The following DYSF variants were observed in gnomAD, a reference collection of about 807,000 sequenced individuals.
DYSF encodes dystrophy-associated fer-1-like 1.
In DYSF, 212 loss-of-function variants were observed where a neutral mutation model predicts 274.9. The observed-to-expected ratio is 0.77, with a 90% CI of 0.69 to 0.86. The LOEUF (loss-of-function observed/expected upper bound fraction) is 0.86, where lower values mean the gene tolerates loss of function less well. DYSF is among the 40% of genes least tolerant of loss of function. DYSF has a pLI of 0.00. For synonymous variants in DYSF, 1,091 were observed against 1,078.7 expected, an observed-to-expected ratio of 1.01 and a Z score of -0.22; for missense variants, 2,666 against 2,783.2, an observed-to-expected ratio of 0.96 and a Z score of 0.95.
chr2:71,656,421 G>A (rs1389730335), intron 43 of DYSF, 131 bp downstream of exon 43: 7 of 1,321,604 alleles, frequency 5.3e-6, no homozygotes, highest in Non-Finnish European at 7.5e-6. Context: ...GGGTAATGGA[G>A]GTGGTGATGG....
At chr2:71,548,562 C>T (rs1031449616) in intron 17 of DYSF, among the ~76,000 whole-genome samples, 7 of 117,052 alleles carry the variant, frequency 6.0e-5, no homozygotes, top group Non-Finnish European at 9.0e-5. Context: ...GTTTCCTTGG[C>T]GCATCGCATA....
rs72902666 is a variant in DYSF at position 71,607,272 on chromosome 2, A to C, written c.3958-3973A>C. Among the ~76,000 whole-genome samples the C allele has an allele frequency of 9.8e-3, 1,492 of 152,316 alleles. 24 individuals are homozygous for C. The highest frequency in any genetic ancestry group is 0.034 in the African/African-American group (1,427 of 41,572). On this transcript the variant is annotated intron_variant, in intron 36 of 55. Transcript: ENST00000410020. Reference sequence around the variant, plus strand: ...CACTGAGCTCCAAGCCTCAAAGCTAAAAGAGCATGGTGCCTCCTGCAACCT... The same window carrying C: ...CACTGAGCTCCAAGCCTCAAAGCTACAAGAGCATGGTGCCTCCTGCAACCT...
At chr2:71,559,056 C>T (rs1383641695) in intron 22 of DYSF, among the ~76,000 whole-genome samples, 2 of 152,188 alleles carry the variant, frequency 1.3e-5, no homozygotes, top group Non-Finnish European at 2.9e-5. Flanking sequence ...ATCGGTGTTC[C>T]TCATTCCATC....
At chr2:71,535,696 A>G (rs1387811234) in intron 16 of DYSF, among the ~76,000 whole-genome samples, 1 of 152,052 alleles carries the variant, frequency 6.6e-6, no homozygotes, top group African/African-American at 2.4e-5. Flanking sequence ...TTCAGGGAGG[A>G]TGGGCTGCGG....
At chr2:71,586,395 G>A (rs1466516606) in intron 30 of DYSF, among the ~76,000 whole-genome samples, 1 of 152,146 alleles carries the variant, frequency 6.6e-6, no homozygotes, top group Non-Finnish European at 1.5e-5. Context: ...CAGATGGGGT[G>A]AGGGTGGGCA....
intron 1 of DYSF, among the ~76,000 whole-genome samples, chr2:71,473,083 G>C (rs992524982): frequency 2.0e-5 from 3 of 152,194 alleles, no homozygotes; most frequent in African/African-American, 7.2e-5. Flanking sequence ...GGAAGGTGGG[G>C]TGGAGGGTGG....
rs757096380 is a variant in DYSF, at chr2:71,467,592, G to A, written c.91+659G>A. Among the ~76,000 whole-genome samples, 25 of 152,242 alleles carry A rather than the reference G, an allele frequency of 1.6e-4. 1 individual carries two copies. The Middle Eastern group carries it at 0.01, about 62-fold the overall frequency. On this transcript the variant is annotated intron_variant, in intron 1 of 55. Coordinates refer to ENST00000410020, the MANE Select transcript of DYSF (RefSeq NM_001130987.2). ...ACACACACTCCTCTTCTCACCAGGC[G>A]TCCTGAACCCCCTCCCCCAACCCCT...
intron 6 of DYSF, 76 bp downstream of exon 6, chr2:71,513,408 C>G: frequency 6.8e-7 from 1 of 1,464,854 alleles, no homozygotes; most frequent in Middle Eastern, 1.8e-4. Flanking sequence ...GGTCAGCTTG[C>G]TGGAGCGGGG....
At chr2:71,541,746 A>AT (rs58599068) in intron 17 of DYSF, among the ~76,000 whole-genome samples, 4,669 of 151,164 alleles carry the variant, frequency 0.031, 104 homozygotes, top group Non-Finnish European at 0.048. Flanking sequence ...AACTCTATTA[A>AT]TTTTTTTTTA....
At chr2:71,492,789 G>T (rs1453368441) in intron 3 of DYSF, among the ~76,000 whole-genome samples, 2 of 144,596 alleles carry the variant, frequency 1.4e-5, no homozygotes, top group African/African-American at 5.1e-5. Flanking sequence ...ATTCATCACG[G>T]TCTTTGACTC....
intron 36 of DYSF, among the ~76,000 whole-genome samples, chr2:71,605,123 G>A (rs1349806559): frequency 1.3e-5 from 2 of 152,132 alleles, no homozygotes; most frequent in African/African-American, 4.8e-5. Context: ...TCGCTCTCCG[G>A]TCTGCATTTT....
At chr2:71,460,332 A>G (rs2152630860) in intron 1 of DYSF, among the ~76,000 whole-genome samples, 1 of 152,294 alleles carries the variant, frequency 6.6e-6, no homozygotes, top group East Asian at 1.9e-4. Context: ...CCAGGCAGTT[A>G]TATACAGCCC....
At chr2:71,598,014 T>C (rs2093447792) in intron 32 of DYSF, among the ~76,000 whole-genome samples, 1 of 152,200 alleles carries the variant, frequency 6.6e-6, no homozygotes, top group African/African-American at 2.4e-5. Context: ...GCAGCTCTGC[T>C]CTGCTTCCCC....
intron 13 of DYSF, 72 bp downstream of exon 13, chr2:71,526,418 T>TGGGGGGGGGGGTGGGGGGGGGGGGGGGG: frequency 3.8e-6 from 1 of 261,506 alleles, no homozygotes; most frequent in Non-Finnish European, 7.0e-6. Flanking sequence ...GGGTGGGCGA[T>TGGGGGGGGGGGTGGGGGGGGGGGGGGGG]GGCGGGCGGG....
intron 12 of DYSF, among the ~76,000 whole-genome samples, chr2:71,523,377 C>T (rs6739650): frequency 0.037 from 5,571 of 152,202 alleles, 131 homozygotes; most frequent in Middle Eastern, 0.065. Flanking sequence ...GAAATAAAGT[C>T]CATCCTAATG....
chr2:71,544,968 CAAAT>C (rs1465025711), intron 17 of DYSF, among the ~76,000 whole-genome samples: 3 of 152,136 alleles, frequency 2.0e-5, no homozygotes, highest in Non-Finnish European at 4.4e-5. Flanking sequence ...AGGCGACAAA[CAAAT>C]AGACAAATAA....
rs903493685 is a variant in DYSF at position 71,674,274 on chromosome 2, G to A, written c.5862G>A (p.Lys1954=). 2.5e-6 allele frequency: 4 copies of A among 1,614,226 alleles called. No individual in the cohort carries two copies. The highest frequency in any genetic ancestry group is 3.4e-6 in the Non-Finnish European group (4 of 1,180,042). Residue 1954 remains lysine, a synonymous_variant, in exon 52 of 56, where the codon AAG becomes AAA. Coordinates refer to ENST00000410020, the MANE Select transcript of DYSF (RefSeq NM_001130987.2). ...TGTTCCAGATCTGGGACAATGACAA[G>A]TTCTCCTTTGATGATTTTCTGGGTA... ...RVVFQIWDND[K]FSFDDFLGSL...
intron 52 of DYSF, 36 bp downstream of exon 52, chr2:71,674,332 G>C (rs2095182823): frequency 4.4e-6 from 7 of 1,599,822 alleles, no homozygotes; most frequent in Non-Finnish European, 4.3e-6. Context: ...TCTGCACATG[G>C]GGGCTGCCCC....
rs1165474479 is a variant in DYSF at position 71,466,953 on chromosome 2, CGCGCCCAT to C, written c.91+23_91+30del. The C allele has an allele frequency of 6.5e-7, 1 of 1,547,828 alleles. No homozygotes were observed. Among genetic ancestry groups the C allele is most frequent in the Non-Finnish European group, 8.7e-7 (1 of 1,144,756 alleles). ...TCCGAGGTGAGAGCCCCGTGGCTGC[CGCGCCCAT>C]GCTCGGGTGCTACCCGACTCTCGGC... On this transcript the variant is annotated intron_variant, in intron 1 of 55. Transcript: ENST00000410020.
Sources: gnomAD v4.1 joint callset for allele counts (sites outside exome capture counted in the v4.1 genomes callset) on GRCh38, gnomAD v4.1.1 for gene constraint, MANE v1.5 for transcripts, NCBI Gene and HGNC (gene_info 2026-07-23, HGNC 2026-07-21) for gene names.